SFMBT2: variants seen among roughly 807,000 people sequenced by gnomAD.
SFMBT2 encodes the protein scm-like with four MBT domains protein 2.
Under a neutral mutation model 110.1 loss-of-function variants are expected in SFMBT2, and 38 were observed. That is an observed-to-expected ratio of 0.35 (90% CI 0.27 to 0.45). SFMBT2 has a LOEUF of 0.45. Ranked by LOEUF, SFMBT2 falls within the 20% of genes least tolerant of loss-of-function variation. SFMBT2 has a pLI of 1.00. For missense variants in SFMBT2, 1,011 were observed against 1,094.9 expected, an observed-to-expected ratio of 0.92 and a Z score of 1.08; for synonymous variants, 425 against 425.4, an observed-to-expected ratio of 1.00 and a Z score of 0.01.
intron 4 of SFMBT2, among the ~76,000 whole-genome samples, chr10:7,291,351 C>T (rs1327408719): frequency 6.6e-6 from 1 of 152,218 alleles, no homozygotes; most frequent in Non-Finnish European, 1.5e-5. Context: ...ATTTTCTGAA[C>T]TTACTTCCAA....
At chr10:7,334,114 G>A (rs1374540766) in intron 4 of SFMBT2, among the ~76,000 whole-genome samples, 2 of 152,128 alleles carry the variant, frequency 1.3e-5, no homozygotes, top group African/African-American at 2.4e-5. Context: ...CTCAGGACAC[G>A]ACAACTCATT....
intron 11 of SFMBT2, among the ~76,000 whole-genome samples, chr10:7,213,787 G>A (rs12764215): frequency 6.7e-6 from 1 of 148,174 alleles, no homozygotes; most frequent in South Asian, 2.1e-4. Flanking sequence ...CCGTGTGCGA[G>A]GCCATGGTGC....
At chr10:7,243,729 C>G in intron 8 of SFMBT2, 24 bp from the exon 9 acceptor site, 1 of 862,918 alleles carries the variant, frequency 1.2e-6, no homozygotes, top group African/African-American at 1.6e-5. Flanking sequence ...AATGGGGGAG[C>G]CAAAGGTTAA....
At chr10:7,295,760 A>G (rs1032218058) in intron 4 of SFMBT2, among the ~76,000 whole-genome samples, 14 of 152,232 alleles carry the variant, frequency 9.2e-5, no homozygotes, top group Non-Finnish European at 1.8e-4. Flanking sequence ...GGCACTTAGT[A>G]TCTTGTGTGG....
intron 9 of SFMBT2, among the ~76,000 whole-genome samples, chr10:7,229,927 C>T (rs1424456321): frequency 6.6e-6 from 1 of 151,650 alleles, no homozygotes; most frequent in African/African-American, 2.4e-5. Context: ...CCATATTGGC[C>T]GGGCTGGTCT....
At chr10:7,275,415 T>C (rs930735059) in intron 7 of SFMBT2, among the ~76,000 whole-genome samples, 2 of 151,936 alleles carry the variant, frequency 1.3e-5, no homozygotes, top group Non-Finnish European at 2.9e-5. Context: ...GGTCCAACAT[T>C]AAAGGCTGTT....
chr10:7,300,331 G>C (rs1053113623), intron 4 of SFMBT2, among the ~76,000 whole-genome samples: 1 of 151,326 alleles, frequency 6.6e-6, no homozygotes, highest in Non-Finnish European at 1.5e-5. Context: ...AATTAAAAGA[G>C]ACTAAGCAGG....
intron 1 of SFMBT2, 102 bp from the exon 2 acceptor site, chr10:7,382,051 C>A (rs944058286): frequency 3.7e-5 from 20 of 543,934 alleles, no homozygotes; most frequent in African/African-American, 3.3e-4. Flanking sequence ...AGTGCCACTA[C>A]CATTTCATTA....
chr10:7,300,517 C>T (rs140228727), intron 4 of SFMBT2, among the ~76,000 whole-genome samples: 1 of 152,260 alleles, frequency 6.6e-6, no homozygotes, highest in Admixed American at 6.5e-5. Context: ...GTTCACACTG[C>T]CCCCTTCACA....
rs1844781437 is a variant in SFMBT2 at position 7,363,246 on chromosome 10, G to A, written c.436+4403C>T. Among the ~76,000 whole-genome samples, 4 of 152,228 alleles carry A rather than the reference G, an allele frequency of 2.6e-5. No homozygotes were observed. The South Asian group carries it at 8.3e-4, about 32-fold the overall frequency. ...GAAATTCCCCTGCACAGGCTCTCTT[G>A]CCTGCCACCATGTAAGACGTGCCTT... On this transcript the variant is annotated intron_variant, in intron 4 of 20. Coordinates refer to ENST00000397167, the MANE Select transcript of SFMBT2 (RefSeq NM_001387889.1).
In SFMBT2 at chr10:7,240,281, C is replaced by T. The variant is rs535114299; in HGVS notation, c.1120+3277G>A. ...CTTCTCTAACATAGGAAGTGTCATA[C>T]GATACCTACTGTACCACTCACAGTG... On this transcript the variant is annotated intron_variant, in intron 9 of 20. Transcript: ENST00000397167. 4.6e-5 allele frequency among the ~76,000 whole-genome samples: 7 copies of T among 152,246 alleles called. No homozygotes were observed. The South Asian group carries it at 1.0e-3, about 23-fold the overall frequency.
chr10:7,262,550 T>C (rs555263231), intron 7 of SFMBT2, among the ~76,000 whole-genome samples: 2 of 152,250 alleles, frequency 1.3e-5, no homozygotes, highest in Admixed American at 6.5e-5. Flanking sequence ...GCCAGAATTA[T>C]CCGCGGTAAG....
rs556326616 is a variant in SFMBT2, at chr10:7,248,562, C to T, written c.958G>A (p.Ala320Thr). ...NMCEPFYISP[A>T]SVTKVFNNHF... The stretch of plus-strand genomic sequence containing the variant: ...GGAAAACCCACCTTAGTCACCGACG[C>T]AGGAGAGATGTAAAAGGGCTCGCAC... The change falls in exon 8 of 21, where the codon GCG becomes ACG. Residue 320 changes from alanine (A) to threonine (T), a missense_variant. Ala to Thr is a moderately conservative substitution (Grantham distance 58, BLOSUM62 0). This residue lies in a region of SFMBT2 where 979 missense variants were observed against 1,016.1 expected (regional missense o/e 0.96). Coordinates refer to ENST00000397167, the MANE Select transcript of SFMBT2 (RefSeq NM_001387889.1). 3.1e-6 allele frequency: 5 copies of T among 1,614,050 alleles called. No homozygotes were observed. Among genetic ancestry groups the T allele is most frequent in the Non-Finnish European group, 4.2e-6 (5 of 1,179,922 alleles).
At position 7,367,798 on chromosome 10, in the gene SFMBT2, A is replaced by G; in HGVS notation, c.287T>C (p.Ile96Thr). 4 of 1,614,176 alleles carry G rather than the reference A, an allele frequency of 2.5e-6. No individual in the cohort carries two copies. The highest frequency in any genetic ancestry group is 3.4e-6 in the Non-Finnish European group (4 of 1,180,034). ...CAGCAGCTGCCCGCACGTGGTAATG[A>G]TCGTGGCCACCCAGTACGTGTCCGG... ...NNPDTYWVAT[I>T]ITTCGQLLLL... Residue 96 changes from isoleucine (I) to threonine (T), a missense_variant, in exon 4 of 21, where the codon ATC becomes ACC. By Grantham distance (89) the Ile-to-Thr change is moderately conservative. This residue lies in a region of SFMBT2 where 979 missense variants were observed against 1,016.1 expected (regional missense o/e 0.96). Transcript: ENST00000397167. The surrounding 1 kb of genome is among the most constrained non-coding windows in gnomAD (Gnocchi z 6.2).
chr10:7,410,731 C>A (rs1846352690), intron 1 of SFMBT2, among the ~76,000 whole-genome samples, 130 bp downstream of exon 1: 1 of 131,124 alleles, frequency 7.6e-6, no homozygotes, highest in Non-Finnish European at 1.6e-5. Flanking sequence ...AGGCTTCCTT[C>A]CTTTTTTTTT....
At chr10:7,369,788 T>A (rs551831659) in intron 3 of SFMBT2, among the ~76,000 whole-genome samples, 1 of 152,318 alleles carries the variant, frequency 6.6e-6, no homozygotes, top group South Asian at 2.1e-4. Context: ...CTATATTCCC[T>A]GTAGCTATCC....
chr10:7,199,073 G>A (rs1202554865), intron 14 of SFMBT2, among the ~76,000 whole-genome samples: 1 of 152,094 alleles, frequency 6.6e-6, no homozygotes, highest in African/African-American at 2.4e-5. Flanking sequence ...CCACCACCTG[G>A]GTTCAAGCAA....
chr10:7,188,969 A>G (rs1028855397), intron 15 of SFMBT2: 1 of 234,274 alleles, frequency 4.3e-6, no homozygotes, highest in Admixed American at 6.5e-5. Flanking sequence ...AAAAGTGTGA[A>G]CCACTCTCTA....
intron 16 of SFMBT2, among the ~76,000 whole-genome samples, chr10:7,182,995 T>C (rs1272685424): frequency 5.3e-5 from 8 of 152,158 alleles, no homozygotes; most frequent in Admixed American, 5.2e-4. Context: ...AAGGCTCTCA[T>C]AAACACTAAG....
Sources: gnomAD v4.1 joint callset for allele counts (sites outside exome capture counted in the v4.1 genomes callset) on GRCh38, gnomAD v4.1.1 for gene constraint, gnomAD v4.1.1 regional missense constraint, Gnocchi (gnomAD v3.1) non-coding constraint, MANE v1.5 for transcripts, NCBI Gene and HGNC (gene_info 2026-07-23, HGNC 2026-07-21) for gene names.